Variants in JAML observed in about 807,000 individuals in gnomAD.
The protein encoded by JAML is junctional adhesion molecule-like.
JAML carries 25 observed loss-of-function variants against 39.3 expected under a neutral mutation model. The ratio of observed to expected loss-of-function variants is 0.64; its 90% CI spans 0.46 to 0.89. The LOEUF (loss-of-function observed/expected upper bound fraction) is 0.89, where lower values mean the gene tolerates loss of function less well. Ranked by LOEUF, JAML falls within the 40% of genes least tolerant of loss-of-function variation. The pLI is 0.00. For synonymous variants in JAML, 162 were observed against 179.2 expected, an observed-to-expected ratio of 0.90 and a Z score of 0.77; for missense variants, 440 against 486.9, an observed-to-expected ratio of 0.90 and a Z score of 0.91.
intron 6 of JAML, 106 bp downstream of exon 6, chr11:118,203,322 C>T: frequency 2.0e-6 from 2 of 995,410 alleles, no homozygotes; most frequent in Non-Finnish European, 3.2e-6. Context: ...GAGAGGGATG[C>T]CTCCTTCAAT....
chr11:118,216,368 CA>C (rs35141287), intron 1 of JAML, among the ~76,000 whole-genome samples: 34,980 of 115,778 alleles, frequency 0.3, 4,343 homozygotes, highest in African/African-American at 0.38. Context: ...GACTCTGTCT[CA>C]AAAAAAAAAA....
intron 1 of JAML, among the ~76,000 whole-genome samples, chr11:118,215,330 T>C (rs1457598211): frequency 6.6e-6 from 1 of 152,150 alleles, no homozygotes; most frequent in Admixed American, 6.5e-5. Flanking sequence ...CTGAAATTTT[T>C]CCCCATCTCT....
Position 118,198,817 on chromosome 11 carries a change from G to A in JAML, c.912-726C>T, listed in dbSNP as rs369696260. Among the ~76,000 whole-genome samples, 79 of 152,196 alleles carry A rather than the reference G, an allele frequency of 5.2e-4. 1 individual carries two copies. The South Asian group carries it at 1.0e-2, about 19-fold the overall frequency. ...ATAATTCAGATAATACAGAAATGTAGACAGTTGGAAGTGGAAGTTCCCTGC... is the reference window on the plus strand; with the variant it reads ...ATAATTCAGATAATACAGAAATGTAAACAGTTGGAAGTGGAAGTTCCCTGC... On this transcript the variant is annotated intron_variant, in intron 7 of 9. Coordinates refer to ENST00000356289, the MANE Select transcript of JAML (RefSeq NM_001098526.2).
At chr11:118,210,864 A>T in intron 3 of JAML, 152 bp from the exon 4 acceptor site, 1 of 647,630 alleles carries the variant, frequency 1.5e-6, no homozygotes, top group South Asian at 1.9e-5. Flanking sequence ...ATAATGTGCC[A>T]GGCAACAGTC....
Position 118,203,502 on chromosome 11 carries a change from G to T in JAML, c.698C>A (p.Thr233Asn). The T allele has an allele frequency of 6.2e-7, 1 of 1,614,142 alleles. No homozygotes were observed. Residue 233 changes from threonine (T) to asparagine (N), a missense_variant, in exon 6 of 10, where the codon ACC becomes AAC. Thr to Asn is a moderately conservative substitution (Grantham distance 65). Coordinates refer to ENST00000356289, the MANE Select transcript of JAML (RefSeq NM_001098526.2). ...GVRESDGGNYTCSIHLGNLVF... is the reference protein window; with the variant it reads ...GVRESDGGNYNCSIHLGNLVF... The stretch of plus-strand genomic sequence containing the variant: ...CAGGTTCCCTAGGTGGATACTGCAG[G>T]TGTAGTTTCCTCCATCTGACTCCCT...
intron 2 of JAML, chr11:118,212,997 C>CT (rs1775139875): frequency 6.2e-7 from 1 of 1,613,022 alleles, no homozygotes; most frequent in Admixed American, 1.7e-5. Flanking sequence ...TTTACTTCCT[C>CT]TTTTCCCTTT....
intron 1 of JAML, 31 bp from the exon 2 acceptor site, chr11:118,214,917 C>T (rs1949120340): frequency 6.3e-7 from 1 of 1,592,358 alleles, no homozygotes; most frequent in African/African-American, 1.3e-5. Flanking sequence ...ATCACAAAAT[C>T]ATGTCAAGAG....
chr11:118,194,513 G>A (rs1194720867), intron 9 of JAML, 96 bp from the exon 10 acceptor site: 14 of 945,294 alleles, frequency 1.5e-5, no homozygotes, highest in East Asian at 1.0e-4. Flanking sequence ...TCATGAGCCC[G>A]GCCCAGTACT....
At chr11:118,213,563 T>C (rs1470082296) in intron 2 of JAML, among the ~76,000 whole-genome samples, 1 of 152,250 alleles carries the variant, frequency 6.6e-6, no homozygotes, top group Non-Finnish European at 1.5e-5. Context: ...TAAGGAAGAA[T>C]TGAGCAGCTC....
intron 4 of JAML, chr11:118,209,027 G>A (rs1948985406): frequency 4.2e-6 from 1 of 238,710 alleles, no homozygotes; most frequent in South Asian, 6.5e-5. Context: ...TAGATTCTGG[G>A]GGAAGAATTT....
Position 118,194,339 on chromosome 11 carries a change from G to C in JAML, c.1171C>G (p.Gln391Glu). ...KKSGGGMPKT[Q>E]QAF ...CTCCATTCTTCTCAAAAGGCTTGCT[G>C]TGTTTTTGGCATTCCCCCACCTGAC... Residue 391 changes from glutamine (Q) to glutamate (E), a missense_variant, in exon 10 of 10, where the codon CAG (glutamine) becomes GAG (glutamate). By Grantham distance (29) the Gln-to-Glu change is conservative. Coordinates refer to ENST00000356289, the MANE Select transcript of JAML (RefSeq NM_001098526.2). The C allele has an allele frequency of 1.9e-6, 3 of 1,613,862 alleles. No individual in the cohort carries two copies. The highest frequency in any genetic ancestry group is 2.5e-6 in the Non-Finnish European group (3 of 1,179,788).
At chr11:118,195,130 G>A (rs374661813) in intron 9 of JAML, among the ~76,000 whole-genome samples, 12 of 152,296 alleles carry the variant, frequency 7.9e-5, no homozygotes, top group African/African-American at 2.9e-4. Flanking sequence ...ACCCTGGCTG[G>A]TGACCCACTC....
intron 9 of JAML, among the ~76,000 whole-genome samples, chr11:118,196,012 T>G (rs911406439): frequency 6.6e-6 from 1 of 151,848 alleles, no homozygotes; most frequent in East Asian, 1.9e-4. Context: ...TTTTGTATTT[T>G]TAGTAAGACA....
At chr11:118,203,093 C>T (rs1178594593) in intron 6 of JAML, 1 of 496,036 alleles carries the variant, frequency 2.0e-6, no homozygotes. Context: ...TGACTTTGGA[C>T]ATCAACTCCG....
chr11:118,214,112 T>G (rs1167816297), intron 2 of JAML, among the ~76,000 whole-genome samples: 3 of 152,178 alleles, frequency 2.0e-5, no homozygotes, highest in Non-Finnish European at 4.4e-5. Context: ...AGCACCTGAT[T>G]AATTTCTTCT....
chr11:118,201,645 C>G (rs1948800657), intron 6 of JAML: 4 of 152,330 alleles, frequency 2.6e-5, no homozygotes, highest in Non-Finnish European at 5.9e-5. Context: ...CCAAGAGCCG[C>G]GTGAAGAATG....
intron 1 of JAML, among the ~76,000 whole-genome samples, chr11:118,219,350 T>C (rs1376777528): frequency 6.6e-6 from 1 of 152,212 alleles, no homozygotes; most frequent in Non-Finnish European, 1.5e-5. Flanking sequence ...ACAGCCACTA[T>C]GGAGAACAGT....
chr11:118,213,210 G>T, intron 2 of JAML: 1 of 1,318,274 alleles, frequency 7.6e-7, no homozygotes. Context: ...TCTCTATGTT[G>T]CTCAAGCAAT....
chr11:118,221,971 A>G (rs1949214723), intron 1 of JAML, among the ~76,000 whole-genome samples: 1 of 152,226 alleles, frequency 6.6e-6, no homozygotes, highest in African/African-American at 2.4e-5. Flanking sequence ...CTTTAGGTAA[A>G]GATTCAAAAG....
Sources: allele counts gnomAD v4.1 joint callset (sites outside exome capture counted in the v4.1 genomes callset), GRCh38; gene constraint gnomAD v4.1.1; transcripts MANE v1.5; gene names NCBI Gene and HGNC (gene_info 2026-07-23, HGNC 2026-07-21).